ETV6: variants seen among roughly 807,000 people sequenced by gnomAD.
ETV6 encodes transcription factor ETV6.
In ETV6, 16 loss-of-function variants were observed where a neutral mutation model predicts 51.1. That is an observed-to-expected ratio of 0.31 (90% CI 0.21 to 0.48). The LOEUF is 0.48. Among genes scored for constraint, ETV6 ranks in the 20% least tolerant of loss-of-function variants. ETV6 has a pLI of 0.99. For synonymous variants in ETV6, 240 were observed against 224.1 expected, an observed-to-expected ratio of 1.07 and a Z score of -0.64; for missense variants, 458 against 594.8, an observed-to-expected ratio of 0.77 and a Z score of 2.39.
At chr12:11,760,878 A>ATGTGTGTGTGTGTGTGTG (rs59373097) in intron 2 of ETV6, among the ~76,000 whole-genome samples, 60 of 148,522 alleles carry the variant, frequency 4.0e-4, no homozygotes, top group African/African-American at 1.2e-3. Context: ...TATTATATAT[A>ATGTGTGTGTGTGTGTGTG]TGTGTGTGTG....
At chr12:11,809,562 T>G (rs1859515959) in intron 2 of ETV6, among the ~76,000 whole-genome samples, 1 of 152,230 alleles carries the variant, frequency 6.6e-6, no homozygotes, top group African/African-American at 2.4e-5. Context: ...TCTTCTTCCA[T>G]GTGTGGTTTT....
At chr12:11,888,696 C>A (rs1947242877) in intron 7 of ETV6, among the ~76,000 whole-genome samples, 1 of 152,080 alleles carries the variant, frequency 6.6e-6, no homozygotes, top group Non-Finnish European at 1.5e-5. Flanking sequence ...AGCCACTGTG[C>A]CTGGCCAACT....
chr12:11,723,797 C>T (rs1461288290), intron 1 of ETV6, among the ~76,000 whole-genome samples: 2 of 152,162 alleles, frequency 1.3e-5, no homozygotes, highest in Admixed American at 6.5e-5. Context: ...GCATCACCAA[C>T]CATTGAGAAA....
At chr12:11,710,756 T>A (rs1865158573) in intron 1 of ETV6, among the ~76,000 whole-genome samples, 1 of 152,242 alleles carries the variant, frequency 6.6e-6, no homozygotes, top group Admixed American at 6.5e-5. Context: ...TTGCTTTTCC[T>A]AGAAAGCTCT....
intron 2 of ETV6, among the ~76,000 whole-genome samples, chr12:11,796,119 C>T (rs985768430): frequency 3.3e-5 from 5 of 152,090 alleles, no homozygotes; most frequent in East Asian, 1.9e-4. Context: ...ATTCACTTGA[C>T]GTAGATAAAA....
intron 4 of ETV6, among the ~76,000 whole-genome samples, chr12:11,868,739 G>A (rs1387652877): frequency 1.3e-5 from 2 of 152,076 alleles, no homozygotes; most frequent in African/African-American, 4.8e-5. Context: ...TTTTAGTTGT[G>A]AAAATGTAAG....
intron 2 of ETV6, among the ~76,000 whole-genome samples, chr12:11,799,911 A>G (rs1386026255): frequency 6.6e-6 from 1 of 152,200 alleles, no homozygotes; most frequent in Non-Finnish European, 1.5e-5. Context: ...ACAGACAGGC[A>G]TACCACCATG....
At chr12:11,675,083 C>G (rs968298178) in intron 1 of ETV6, among the ~76,000 whole-genome samples, 3 of 152,230 alleles carry the variant, frequency 2.0e-5, no homozygotes, top group Admixed American at 2.0e-4. Flanking sequence ...GTAGACCTAG[C>G]TGTAGCCATG....
In ETV6 at chr12:11,649,797, C is replaced by T. The variant is rs1221059014; in HGVS notation, c.-331C>T. On this transcript the variant is annotated 5_prime_UTR_variant, in exon 1 of 8. Transcript: ENST00000396373. ...AGAGCGAGGGAGAGCCGCGGGAGGG[C>T]GGGGGGCGGGGGCGCCGGCTGCGGG... 6.8e-6 allele frequency: 1 copy of T among 147,080 alleles called. No homozygotes were observed. Among genetic ancestry groups the T allele is most frequent in the African/African-American group, 2.5e-5 (1 of 40,094 alleles). The allele number at this position is 147,080 out of a possible 1,614,324, so 9.1% of individuals were successfully genotyped here. A position where few individuals can be genotyped will look rare whatever the true frequency, so the allele number is the denominator to read the frequency against.
chr12:11,751,291 C>T (rs143754612), intron 1 of ETV6: 27 of 516,290 alleles, frequency 5.2e-5, no homozygotes, highest in East Asian at 4.9e-4. Context: ...CTTTCCAAAA[C>T]GTAAACACTG....
At chr12:11,831,267 CCAGGCTGGAGTG>C (rs1200868311) in intron 2 of ETV6, among the ~76,000 whole-genome samples, 1 of 152,122 alleles carries the variant, frequency 6.6e-6, no homozygotes, top group Non-Finnish European at 1.5e-5. Flanking sequence ...ACTCTGTTGC[CCAGGCTGGAGTG>C]CAGTGGTGCA....
chr12:11,689,574 A>G (rs1033952143), intron 1 of ETV6, among the ~76,000 whole-genome samples: 1 of 152,022 alleles, frequency 6.6e-6, no homozygotes, highest in Admixed American at 6.6e-5. Context: ...GAGCAGATCA[A>G]ATTTGCTATT....
chr12:11,677,227 A>G (rs1288727482), intron 1 of ETV6, among the ~76,000 whole-genome samples: 2 of 152,210 alleles, frequency 1.3e-5, no homozygotes, highest in East Asian at 3.9e-4. Context: ...AGAAAGAAGA[A>G]CAAGATAGAT....
chr12:11,885,413 T>G (rs1375003927), intron 6 of ETV6, among the ~76,000 whole-genome samples: 1 of 152,220 alleles, frequency 6.6e-6, no homozygotes, highest in Non-Finnish European at 1.5e-5. Context: ...ACTGTACCAT[T>G]GCCTCGGGCC....
At chr12:11,752,748 A>T (rs896240121) in intron 2 of ETV6, 169 bp downstream of exon 2, 10 of 700,802 alleles carry the variant, frequency 1.4e-5, no homozygotes, top group South Asian at 2.9e-5. Flanking sequence ...CCTTTGAAAA[A>T]TTTGAGGTTC....
chr12:11,802,525 T>C (rs1291809019), intron 2 of ETV6, among the ~76,000 whole-genome samples: 1 of 152,264 alleles, frequency 6.6e-6, no homozygotes, highest in Non-Finnish European at 1.5e-5. Context: ...CTCTCACTTA[T>C]GAACTTGGAA....
intron 2 of ETV6, among the ~76,000 whole-genome samples, chr12:11,794,816 A>C (rs1201950118): frequency 6.6e-6 from 1 of 152,218 alleles, no homozygotes; most frequent in Non-Finnish European, 1.5e-5. Flanking sequence ...CATCAATGAG[A>C]TTTGCCATTG....
chr12:11,688,601 T>G (rs1417886475), intron 1 of ETV6, among the ~76,000 whole-genome samples: 4 of 152,246 alleles, frequency 2.6e-5, no homozygotes, highest in South Asian at 2.1e-4. Context: ...GCCTCAAGAC[T>G]GCAGAAGGCA....
At chr12:11,699,478 G>T (rs1426928191) in intron 1 of ETV6, among the ~76,000 whole-genome samples, 1 of 152,132 alleles carries the variant, frequency 6.6e-6, no homozygotes, top group East Asian at 1.9e-4. Flanking sequence ...GATGAGGGAT[G>T]TACAAGATTT....
Sources: gnomAD v4.1 joint callset for allele counts (sites outside exome capture counted in the v4.1 genomes callset) on GRCh38, gnomAD v4.1.1 for gene constraint, MANE v1.5 for transcripts, NCBI Gene and HGNC (gene_info 2026-07-23, HGNC 2026-07-21) for gene names.